Variants in NUMB observed in about 807,000 individuals in gnomAD.
The protein encoded by NUMB is protein numb homolog.
Under a neutral mutation model 59.7 loss-of-function variants are expected in NUMB, and 29 were observed. The observed-to-expected ratio is 0.49, with a 90% CI of 0.36 to 0.66. NUMB has a LOEUF of 0.66. NUMB is among the 30% of genes least tolerant of loss of function. The probability of loss-of-function intolerance (pLI) is 0.00; values close to 1 mark genes in which losing one functional copy is unlikely to be tolerated. For missense variants in NUMB, 723 were observed against 822.0 expected (o/e 0.88, Z 1.47); for synonymous variants, 288 against 288.2 (o/e 1.00, Z 0.01).
intron 4 of NUMB, among the ~76,000 whole-genome samples, chr14:73,342,764 C>T (rs1241359525): frequency 6.6e-6 from 1 of 152,198 alleles, no homozygotes; most frequent in Non-Finnish European, 1.5e-5. Context: ...ACTGTATTTA[C>T]TCATTCAACT....
intron 2 of NUMB, among the ~76,000 whole-genome samples, chr14:73,396,953 T>C (rs1180521332): frequency 6.6e-6 from 1 of 152,000 alleles, no homozygotes; most frequent in Non-Finnish European, 1.5e-5. Context: ...TGAAACCCTG[T>C]CTCTACTAAA....
At chr14:73,419,802 G>A (rs537735452) in intron 1 of NUMB, among the ~76,000 whole-genome samples, 276 of 152,252 alleles carry the variant, frequency 1.8e-3, no homozygotes, top group Middle Eastern at 3.4e-3. Context: ...TAGGGCACAC[G>A]TACAGAATTC....
intron 6 of NUMB, among the ~76,000 whole-genome samples, chr14:73,315,343 T>TA (rs992582202): frequency 1.9e-4 from 29 of 152,288 alleles, no homozygotes; most frequent in African/African-American, 7.0e-4. Context: ...TTTTCTCTCA[T>TA]ACTGTCTCAG....
At chr14:73,355,828 G>A in intron 3 of NUMB, 62 bp from the exon 4 acceptor site, 2 of 1,344,808 alleles carry the variant, frequency 1.5e-6, no homozygotes, top group East Asian at 2.4e-5. Flanking sequence ...TTTAAACTTT[G>A]GATTACCATA....
At chr14:73,403,552 G>A (rs1371726422) in intron 2 of NUMB, among the ~76,000 whole-genome samples, 1 of 152,176 alleles carries the variant, frequency 6.6e-6, no homozygotes, top group Admixed American at 6.5e-5. Context: ...ATACAGAATC[G>A]GGGAGCTCCC....
intron 2 of NUMB, among the ~76,000 whole-genome samples, chr14:73,380,889 T>C (rs972921318): frequency 6.6e-6 from 1 of 152,150 alleles, no homozygotes; most frequent in Non-Finnish European, 1.5e-5. Flanking sequence ...CACACCCAGC[T>C]AATTTTTGTA....
At chr14:73,415,508 C>CT (rs9323585) in intron 1 of NUMB, among the ~76,000 whole-genome samples, 1 of 135,332 alleles carries the variant, frequency 7.4e-6, no homozygotes, top group Non-Finnish European at 1.6e-5. Context: ...TTTTTCTTTT[C>CT]TTTTTTTTTT....
At position 73,284,190 on chromosome 14, in the gene NUMB, A is replaced by G; in HGVS notation, c.840T>C (p.Phe280=). Residue 280 remains phenylalanine, a synonymous_variant, in exon 10 of 13, where the codon TTT becomes TTC. Coordinates refer to ENST00000555238, the MANE Select transcript of NUMB (RefSeq NM_001005743.2). ...QLARQGSFRG[F]PALSQKMSPF... Reference sequence around the variant, plus strand: ...GTGACATCTTCTGGCTAAGAGCAGGAAAACCTCGGAAAGAGCCTTGGCGAG... The same window carrying G: ...GTGACATCTTCTGGCTAAGAGCAGGGAAACCTCGGAAAGAGCCTTGGCGAG... The G allele has an allele frequency of 6.2e-7, 1 of 1,614,202 alleles. No individual in the cohort carries two copies. The highest frequency in any genetic ancestry group is 1.1e-5 in the South Asian group (1 of 91,084).
At chr14:73,366,172 TG>T (rs1434683828) in intron 3 of NUMB, among the ~76,000 whole-genome samples, 1 of 152,230 alleles carries the variant, frequency 6.6e-6, no homozygotes, top group East Asian at 1.9e-4. Flanking sequence ...TTAGGCTCAA[TG>T]GGTACTTCTA....
In NUMB at chr14:73,276,253, A is replaced by G. The variant is rs1042092529; in HGVS notation, c.*325T>C. The stretch of plus-strand genomic sequence containing the variant: ...CCTGTTGTGTTTTACATTTCAGTAA[A>G]TGTGCTTGGAATATAGATTCTTGTT... On this transcript the variant is annotated 3_prime_UTR_variant, in exon 13 of 13. Transcript: ENST00000555238. 8.1e-5 allele frequency: 19 copies of G among 233,822 alleles called. 1 individual carries two copies. The highest frequency in any genetic ancestry group is 4.1e-4 in the African/African-American group (18 of 44,178). 14.5% of individuals were successfully genotyped at this position (233,822 alleles called of 1,614,324 possible).
intron 1 of NUMB, among the ~76,000 whole-genome samples, chr14:73,430,631 G>A (rs1470933337): frequency 2.6e-5 from 4 of 151,460 alleles, no homozygotes; most frequent in South Asian, 2.1e-4. Flanking sequence ...AAGAGACTCC[G>A]TCTCAAAACA....
chr14:73,339,225 A>T (rs571263564), intron 4 of NUMB, among the ~76,000 whole-genome samples: 1 of 152,354 alleles, frequency 6.6e-6, no homozygotes, highest in East Asian at 1.9e-4. Context: ...CAGATAGTAT[A>T]AGGAATACTG....
At chr14:73,330,860 A>G (rs1891937914) in intron 4 of NUMB, among the ~76,000 whole-genome samples, 1 of 152,198 alleles carries the variant, frequency 6.6e-6, no homozygotes, top group African/African-American at 2.4e-5. Context: ...AAGAAGTCCT[A>G]TGACAGGCTG....
chr14:73,431,474 T>A (rs1268725862), intron 1 of NUMB, among the ~76,000 whole-genome samples: 10 of 150,608 alleles, frequency 6.6e-5, no homozygotes, highest in African/African-American at 2.4e-4. Flanking sequence ...CATGTTGGCA[T>A]GGTGGCTCAT....
intron 2 of NUMB, among the ~76,000 whole-genome samples, chr14:73,387,940 A>G (rs529933189): frequency 5.7e-4 from 83 of 146,342 alleles, no homozygotes; most frequent in Admixed American, 8.9e-4. Context: ...GCAACAAAGC[A>G]AGACTCTGTC....
At chr14:73,421,185 TG>T (rs1416188297) in intron 1 of NUMB, among the ~76,000 whole-genome samples, 1 of 151,954 alleles carries the variant, frequency 6.6e-6, no homozygotes, top group Non-Finnish European at 1.5e-5. Context: ...TGTTTTTGTT[TG>T]TTTGTTTGTT....
intron 2 of NUMB, among the ~76,000 whole-genome samples, chr14:73,370,933 A>G (rs1279528968): frequency 6.6e-6 from 1 of 152,242 alleles, no homozygotes; most frequent in African/African-American, 2.4e-5. Context: ...TCAATTATTT[A>G]CATTTCATCT....
intron 4 of NUMB, among the ~76,000 whole-genome samples, chr14:73,342,535 C>A (rs1278909973): frequency 6.6e-6 from 1 of 152,184 alleles, no homozygotes; most frequent in Non-Finnish European, 1.5e-5. Context: ...TTGGTGTGGT[C>A]AATGCCTATC....
intron 6 of NUMB, among the ~76,000 whole-genome samples, chr14:73,307,344 T>C (rs970962602): frequency 2.7e-5 from 4 of 145,770 alleles, no homozygotes; most frequent in African/African-American, 1.0e-4. Flanking sequence ...GAATTGGGAG[T>C]GTGTGTGTGT....
Sources: allele counts gnomAD v4.1 joint callset (sites outside exome capture counted in the v4.1 genomes callset), GRCh38; gene constraint gnomAD v4.1.1; transcripts MANE v1.5; gene names NCBI Gene and HGNC (gene_info 2026-07-23, HGNC 2026-07-21).